Variants in PSME4 observed in about 807,000 individuals in gnomAD.
The protein encoded by PSME4 is proteasome activator complex subunit 4.
PSME4 carries 89 observed loss-of-function variants against 253.9 expected under a neutral mutation model. That is an observed-to-expected ratio of 0.35 (90% confidence interval 0.30 to 0.42). The LOEUF is 0.42. PSME4 is among the 10% of genes least tolerant of loss of function. The probability of loss-of-function intolerance (pLI) is 1.00; values close to 1 mark genes in which losing one functional copy is unlikely to be tolerated. For missense variants in PSME4, 2,014 were observed against 2,195.2 expected, an observed-to-expected ratio of 0.92 and a Z score of 1.65; for synonymous variants, 851 against 759.2, an observed-to-expected ratio of 1.12 and a Z score of -1.99.
intron 3 of PSME4, chr2:53,942,164 A>G (rs1669482786): frequency 6.6e-6 from 1 of 152,582 alleles, no homozygotes; most frequent in Non-Finnish European, 1.5e-5. Context: ...CTAACCTGTG[A>G]TATCTGTATA....
At position 53,919,250 on chromosome 2, in the gene PSME4, GA is replaced by G. The variant is rs113177874; in HGVS notation, c.2421-5del. The G allele has an allele frequency of 0.025, 28,389 of 1,113,466 alleles. 1 individual carries two copies. The highest frequency in any genetic ancestry group is 0.052 in the South Asian group (2,929 of 55,982). 69.0% of individuals were successfully genotyped at this position (1,113,466 alleles called of 1,614,324 possible). On this transcript the variant is annotated splice_polypyrimidine_tract_variant and splice_region_variant and intron_variant, in intron 19 of 46. Transcript: ENST00000404125. ...CAGACTCTGTAGAATATCATCTCTA[GA>G]AAAAAAAAAAAGACATTTTCATATT... is the stretch of plus-strand genomic sequence containing the variant.
intron 41 of PSME4, among the ~76,000 whole-genome samples, chr2:53,878,129 A>C (rs1300395314): frequency 6.6e-6 from 1 of 152,206 alleles, no homozygotes; most frequent in African/African-American, 2.4e-5. Context: ...GGACCGGCTG[A>C]AGCCATGGCA....
chr2:53,934,609 A>G lies in PSME4; in HGVS notation c.953T>C (p.Met318Thr). ...CAAATATAATGTATTACAAACCATC[A>G]TGGCGGTGATCCATATTACAGCATG... Reference protein sequence around the residue: ...IGHAVIWITAMMGGPSKLVQK... With the variant: ...IGHAVIWITATMGGPSKLVQK... The change falls in exon 8 of 47, where the codon ATG (methionine) becomes ACG (threonine). Residue 318 changes from methionine (M) to threonine (T), a missense_variant. This residue lies in a region of PSME4 where 615 missense variants were observed against 594.4 expected (regional missense o/e 1.03). Coordinates refer to ENST00000404125, the MANE Select transcript of PSME4 (RefSeq NM_014614.3). The G allele has an allele frequency of 6.2e-7, 1 of 1,608,836 alleles. No individual in the cohort carries two copies. Among genetic ancestry groups the G allele is most frequent in the Non-Finnish European group, 8.5e-7 (1 of 1,177,150 alleles).
At chr2:53,902,576 CCTCT>C (rs1486911972) in intron 27 of PSME4, among the ~76,000 whole-genome samples, 5 of 152,104 alleles carry the variant, frequency 3.3e-5, no homozygotes, top group African/African-American at 9.7e-5. Flanking sequence ...TTGTACTTGA[CCTCT>C]CTAATTTTGT....
rs10599430 is a variant in PSME4, at chr2:53,876,716, C to CTTTTT, written c.4816-966_4816-962dup. Reference sequence around the variant, plus strand: ...TCTGATGGCTGTAGCCACTGTCATTCTTTTTTTTTTTTTTTTTTTTGAGAC... The same window carrying CTTTTT: ...TCTGATGGCTGTAGCCACTGTCATTCTTTTTTTTTTTTTTTTTTTTTTTTTGAGAC... On this transcript the variant is annotated intron_variant, in intron 41 of 46. Coordinates refer to ENST00000404125, the MANE Select transcript of PSME4 (RefSeq NM_014614.3). 4.5e-3 allele frequency among the ~76,000 whole-genome samples: 440 copies of CTTTTT among 97,820 alleles called. 40 individuals carry two copies. Among genetic ancestry groups the CTTTTT allele is most frequent in the African/African-American group, 6.8e-3 (176 of 25,976 alleles). The allele number at this position is 97,820 out of a possible 152,430, so 64.2% of individuals were successfully genotyped here.
chr2:53,942,679 T>C (rs1669507487), intron 3 of PSME4, among the ~76,000 whole-genome samples: 2 of 152,150 alleles, frequency 1.3e-5, no homozygotes, highest in African/African-American at 4.8e-5. Context: ...TTAAGGATAA[T>C]AAATGTTAAT....
At chr2:53,948,083 C>G (rs935948044) in intron 3 of PSME4, among the ~76,000 whole-genome samples, 3 of 152,084 alleles carry the variant, frequency 2.0e-5, no homozygotes, top group Non-Finnish European at 4.4e-5. Flanking sequence ...CACAACTGGA[C>G]AGAAATGATA....
chr2:53,968,307 A>G (rs1033433202), intron 1 of PSME4, among the ~76,000 whole-genome samples: 4 of 151,948 alleles, frequency 2.6e-5, no homozygotes, highest in Non-Finnish European at 5.9e-5. Flanking sequence ...ATTTAGTCCA[A>G]TCCCCTCATT....
At chr2:53,962,971 C>A (rs926397759) in intron 1 of PSME4, among the ~76,000 whole-genome samples, 3 of 150,794 alleles carry the variant, frequency 2.0e-5, no homozygotes, top group African/African-American at 7.3e-5. Context: ...GATCGCGCCA[C>A]TGCACTCCAG....
At chr2:53,939,815 G>A (rs1287747617) in intron 4 of PSME4, 141 bp downstream of exon 4, 1 of 594,464 alleles carries the variant, frequency 1.7e-6, no homozygotes, top group African/African-American at 1.9e-5. Flanking sequence ...TAATGAACTG[G>A]AAACGGTATG....
At chr2:53,937,038 A>T (rs1241655539) in intron 5 of PSME4, among the ~76,000 whole-genome samples, 1 of 152,212 alleles carries the variant, frequency 6.6e-6, no homozygotes, top group Non-Finnish European at 1.5e-5. Flanking sequence ...GATCTCACAG[A>T]TTAAACTTCT....
In PSME4 at chr2:53,904,173, T is replaced by C. The variant is rs912791760; in HGVS notation, c.2944-17A>G. On this transcript the variant is annotated splice_polypyrimidine_tract_variant and intron_variant, in intron 26 of 46. Coordinates refer to ENST00000404125, the MANE Select transcript of PSME4 (RefSeq NM_014614.3). Reference sequence around the variant, plus strand: ...ATTTCTCACCTGGAGGAAGTATTATTAACAAAGGACTTTTATTAAATAGTA... The same window carrying C: ...ATTTCTCACCTGGAGGAAGTATTATCAACAAAGGACTTTTATTAAATAGTA... 4 of 1,598,690 alleles carry C rather than the reference T, an allele frequency of 2.5e-6. No homozygotes were observed. The East Asian group carries it at 6.7e-5, about 27-fold the overall frequency.
chr2:53,968,165 C>T (rs1221333785), intron 1 of PSME4, among the ~76,000 whole-genome samples: 2 of 151,272 alleles, frequency 1.3e-5, no homozygotes, highest in East Asian at 1.9e-4. Context: ...ATCCTACCTA[C>T]TTGGGAGGCT....
chr2:53,880,090 T>C (rs1366431168), intron 41 of PSME4, among the ~76,000 whole-genome samples: 1 of 152,062 alleles, frequency 6.6e-6, no homozygotes, highest in Non-Finnish European at 1.5e-5. Context: ...CAAAGTAACT[T>C]AAGTTGGAAA....
chr2:53,908,158 C>A, intron 24 of PSME4, 162 bp downstream of exon 24: 1 of 559,642 alleles, frequency 1.8e-6, no homozygotes. Context: ...TTGCTAGGAT[C>A]CATTTGATTT....
At chr2:53,940,614 A>T (rs1355449380) in intron 3 of PSME4, among the ~76,000 whole-genome samples, 1 of 151,908 alleles carries the variant, frequency 6.6e-6, no homozygotes, top group Non-Finnish European at 1.5e-5. Flanking sequence ...TGTGTGTATG[A>T]ATTTATAATC....
intron 10 of PSME4, among the ~76,000 whole-genome samples, chr2:53,930,392 C>T (rs1668767931): frequency 6.6e-6 from 1 of 152,194 alleles, no homozygotes; most frequent in African/African-American, 2.4e-5. Context: ...GAAGTCCCTC[C>T]TCTCCAGGGA....
At chr2:53,928,345 T>C (rs367998515) in intron 10 of PSME4, 42 bp from the exon 11 acceptor site, 510 of 1,470,762 alleles carry the variant, frequency 3.5e-4, no homozygotes, top group Non-Finnish European at 4.6e-4. Flanking sequence ...CCATCACAGA[T>C]ATGCATAATA....
chr2:53,911,402 G>A (rs553862311), intron 20 of PSME4, among the ~76,000 whole-genome samples: 1 of 152,102 alleles, frequency 6.6e-6, no homozygotes, highest in African/African-American at 2.4e-5. Context: ...TTCAACCACT[G>A]GCAAACCTGA....
Sources: gnomAD v4.1 joint callset for allele counts (sites outside exome capture counted in the v4.1 genomes callset) on GRCh38, gnomAD v4.1.1 for gene constraint, gnomAD v4.1.1 regional missense constraint, MANE v1.5 for transcripts, NCBI Gene and HGNC (gene_info 2026-07-23, HGNC 2026-07-21) for gene names.